The following DCST2 variants were observed in gnomAD, a reference collection of about 807,000 sequenced individuals.
DCST2 encodes the protein DC-STAMP domain containing 2.
Under a neutral mutation model 81.8 loss-of-function variants are expected in DCST2, and 64 were observed. The observed-to-expected ratio is 0.78, with a 90% CI of 0.64 to 0.96. The LOEUF (loss-of-function observed/expected upper bound fraction) is 0.96, where lower values mean the gene tolerates loss of function less well. Among genes scored for constraint, DCST2 ranks in the 40% least tolerant of loss-of-function variants. DCST2 has a pLI of 0.00. For missense variants in DCST2, 945 were observed against 1,001.4 expected (o/e 0.94, Z 0.76); for synonymous variants, 354 against 402.6 (o/e 0.88, Z 1.44).
intron 6 of DCST2, 37 bp downstream of exon 6, chr1:155,030,395 G>C (rs373266671): frequency 6.2e-7 from 1 of 1,606,084 alleles, no homozygotes; most frequent in African/African-American, 1.3e-5. Context: ...CTGCACCCCC[G>C]GCCCTGCATC....
intron 12 of DCST2, 90 bp from the exon 13 acceptor site, chr1:155,023,547 A>G (rs1659813324): frequency 1.9e-6 from 3 of 1,548,610 alleles, no homozygotes; most frequent in Non-Finnish European, 2.6e-6. Context: ...CTCCCCTATC[A>G]CAGACCTGGA....
chr1:155,023,395 G>A lies in DCST2; in HGVS notation c.1933C>T (p.Leu645Phe). 2 of 1,608,492 alleles carry A rather than the reference G, an allele frequency of 1.2e-6. No homozygotes were observed. Among genetic ancestry groups the A allele is most frequent in the African/African-American group, 1.3e-5 (1 of 74,958 alleles). The change falls in exon 13 of 15, where the codon CTC becomes TTC. Residue 645 changes from leucine (L) to phenylalanine (F), a missense_variant. Leu to Phe is a conservative substitution (Grantham distance 22, BLOSUM62 0). Transcript: ENST00000368424. ...AGGTCCAGGTCCCCCTGGTAGGAGAGGGGAGATGCACACACGGAGCAGGTA... is the reference window on the plus strand; with the variant it reads ...AGGTCCAGGTCCCCCTGGTAGGAGAAGGGAGATGCACACACGGAGCAGGTA... ...DNTCSVCASP[L>F]SYQGDLDLEL...
rs761227054 is a variant in DCST2 at position 155,029,408 on chromosome 1, G to A, written c.1178-11C>T. 7 of 1,612,914 alleles carry A rather than the reference G, an allele frequency of 4.3e-6. No individual in the cohort carries two copies. The South Asian group carries it at 6.6e-5, about 15-fold the overall frequency. ...ACAAGAAGATGGAGCCTGAGCAGGA[G>A]TGGGATGGTCAGGAGGATGCTCCCC... is the stretch of plus-strand genomic sequence containing the variant. On this transcript the variant is annotated splice_polypyrimidine_tract_variant and intron_variant, in intron 7 of 14. Transcript: ENST00000368424.
At position 155,024,596 on chromosome 1, in the gene DCST2, T is replaced by C; in HGVS notation, c.1618A>G (p.Ile540Val). The change falls in exon 11 of 15, where the codon ATC becomes GTC. Residue 540 changes from isoleucine to valine, a missense_variant. Transcript: ENST00000368424. Reference sequence around the variant, plus strand: ...AGAAGTACATTGTACAGGTAGGAGATCCTCTCCTGGTGCGGGGAGATCAGG... The same window carrying C: ...AGAAGTACATTGTACAGGTAGGAGACCCTCTCCTGGTGCGGGGAGATCAGG... Reference protein sequence around the residue: ...SYYPSREQERISYLYNVLLSR... With the variant: ...SYYPSREQERVSYLYNVLLSR... The C allele has an allele frequency of 6.3e-7, 1 of 1,598,854 alleles. No homozygotes were observed. The highest frequency in any genetic ancestry group is 1.3e-5 in the African/African-American group (1 of 74,550).
chr1:155,019,745 T>G (rs1659693292), intron 14 of DCST2, among the ~76,000 whole-genome samples: 1 of 143,536 alleles, frequency 7.0e-6, no homozygotes, highest in African/African-American at 2.6e-5. Context: ...TGAATCCTAT[T>G]CATGGCTACC....
intron 5 of DCST2, 145 bp downstream of exon 5, chr1:155,031,024 G>T: frequency 1.2e-6 from 1 of 855,898 alleles, no homozygotes; most frequent in Non-Finnish European, 1.8e-6. Flanking sequence ...GCATGGATAT[G>T]GGCCTGGGTG....
intron 14 of DCST2, 121 bp from the exon 15 acceptor site, chr1:155,018,881 G>A: frequency 3.1e-6 from 3 of 968,846 alleles, no homozygotes; most frequent in Non-Finnish European, 4.6e-6. Context: ...AGCAACTCCT[G>A]CTCTCTCAGG....
At position 155,027,910 on chromosome 1, in the gene DCST2, T is replaced by C. The variant is rs1659958584; in HGVS notation, c.1343-1195A>G. Among the ~76,000 whole-genome samples the C allele has an allele frequency of 2.7e-5, 4 of 149,392 alleles. No homozygotes were observed. The South Asian group carries it at 8.9e-4, about 33-fold the overall frequency. On this transcript the variant is annotated intron_variant, in intron 8 of 14. Coordinates refer to ENST00000368424, the MANE Select transcript of DCST2 (RefSeq NM_144622.3). ...CCAGGCACTCGACACACATAATTTA[T>C]TTTATTTTATTTTATTTTATTATTA...
At position 155,030,159 on chromosome 1, in the gene DCST2, C is replaced by A. The variant is rs779079585; in HGVS notation, c.1102G>T (p.Ala368Ser). 9.9e-6 allele frequency: 16 copies of A among 1,614,180 alleles called. No individual in the cohort carries two copies. The highest frequency in any genetic ancestry group is 1.3e-5 in the African/African-American group (1 of 75,056). ...YITSRFLRME[A>S]VRSTAGLPTV... Reference sequence around the variant, plus strand: ...GGCAGCCCTGCCGTGGAGCGCACAGCCTCCATGCGCAGGAATCGGCTAGTG... The same window carrying A: ...GGCAGCCCTGCCGTGGAGCGCACAGACTCCATGCGCAGGAATCGGCTAGTG... The change falls in exon 7 of 15, where the codon GCT becomes TCT. Residue 368 changes from alanine to serine, a missense_variant. Ala to Ser is a moderately conservative substitution (Grantham distance 99). Transcript: ENST00000368424.
intron 14 of DCST2, among the ~76,000 whole-genome samples, chr1:155,022,333 C>T (rs1360174808): frequency 2.0e-5 from 3 of 152,192 alleles, no homozygotes; most frequent in Non-Finnish European, 4.4e-5. Flanking sequence ...GGGCTCTACC[C>T]TTCTGAATGC....
Position 155,023,417 on chromosome 1 carries a change from G to T in DCST2, c.1911C>A (p.Thr637=). 1 of 1,606,450 alleles carries T rather than the reference G, an allele frequency of 6.2e-7. No homozygotes were observed. Among genetic ancestry groups the T allele is most frequent in the Non-Finnish European group, 8.5e-7 (1 of 1,176,330 alleles). Residue 637 remains threonine, a synonymous_variant, in exon 13 of 15, where the codon ACC becomes ACA. Transcript: ENST00000368424. ...AGAGGGGAGATGCACACACGGAGCA[G>T]GTATTGTCCAGGAGGCGGAAGCAAG... The part of the protein sequence containing the change: ...CLTCFRLLDN[T]CSVCASPLSY...
intron 14 of DCST2, among the ~76,000 whole-genome samples, chr1:155,021,802 C>A (rs937649885): frequency 6.6e-6 from 1 of 151,870 alleles, no homozygotes; most frequent in Non-Finnish European, 1.5e-5. Flanking sequence ...TAGACTAAGA[C>A]AAGCTTCTCT....
chr1:155,018,584 G>A lies in DCST2; in HGVS notation c.2282C>T (p.Pro761Leu). The change falls in exon 15 of 15, where the codon CCT (proline) becomes CTT (leucine). Residue 761 changes from proline (P) to leucine (L), a missense_variant. By Grantham distance (98) the Pro-to-Leu change is moderately conservative. Coordinates refer to ENST00000368424, the MANE Select transcript of DCST2 (RefSeq NM_144622.3). The stretch of plus-strand genomic sequence containing the variant: ...GTGGGAAGGATCAGGAAGAGAGGGA[G>A]GTGAGAGAGGGACTGAGGGTTCTGA... ...PASEPSVPLS[P>L]PSLPDPSHPP... 2 of 1,613,794 alleles carry A rather than the reference G, an allele frequency of 1.2e-6. No homozygotes were observed. Among genetic ancestry groups the A allele is most frequent in the Non-Finnish European group, 1.7e-6 (2 of 1,179,846 alleles).
chr1:155,028,575 C>G (rs1659978682), intron 8 of DCST2, among the ~76,000 whole-genome samples: 1 of 149,700 alleles, frequency 6.7e-6, no homozygotes, highest in Non-Finnish European at 1.5e-5. Flanking sequence ...CAGAGTGAGA[C>G]TCCATCTCAA....
In DCST2 at chr1:155,018,734, T is replaced by G; in HGVS notation, c.2132A>C (p.Gln711Pro). ...GGGCTGCTGCCCGTGCTTCCTCTGC[T>G]GAGGCCCCTTCTCCTCATCCAGGTC... ...SSDLDEEKGPQQRKHGQQPLP... is the reference protein window; with the variant it reads ...SSDLDEEKGPPQRKHGQQPLP... Residue 711 changes from glutamine to proline, a missense_variant, in exon 15 of 15, where the codon CAG (glutamine) becomes CCG (proline). Coordinates refer to ENST00000368424, the MANE Select transcript of DCST2 (RefSeq NM_144622.3). 1 of 1,613,484 alleles carries G rather than the reference T, an allele frequency of 6.2e-7. No individual in the cohort carries two copies. Among genetic ancestry groups the G allele is most frequent in the Non-Finnish European group, 8.5e-7 (1 of 1,179,934 alleles).
At chr1:155,026,245 C>T in intron 10 of DCST2, 57 bp downstream of exon 10, 2 of 1,575,020 alleles carry the variant, frequency 1.3e-6, no homozygotes, top group South Asian at 2.2e-5. Flanking sequence ...AAGCCAGCCA[C>T]TAGCTAAGCC....
chr1:155,027,554 C>CTTTTTT (rs779621299), intron 8 of DCST2, among the ~76,000 whole-genome samples: 22 of 64,016 alleles, frequency 3.4e-4, no homozygotes, highest in African/African-American at 8.6e-4. Context: ...TTTTTTACTT[C>CTTTTTT]TTTTTTTTTT....
At chr1:155,023,645 A>G in intron 12 of DCST2, 187 bp downstream of exon 12, 1 of 1,549,982 alleles carries the variant, frequency 6.5e-7, no homozygotes, top group Non-Finnish European at 8.7e-7. Flanking sequence ...CCGGGAGAAT[A>G]AAGGCAAGCA....
In DCST2 at chr1:155,032,705, T is replaced by C. The variant is rs1171011834; in HGVS notation, c.503A>G (p.Lys168Arg). The C allele has an allele frequency of 6.2e-7, 1 of 1,614,136 alleles. No individual in the cohort carries two copies. The highest frequency in any genetic ancestry group is 1.3e-5 in the African/African-American group (1 of 75,046). The change falls in exon 3 of 15, where the codon AAG becomes AGG. Residue 168 changes from lysine (K) to arginine (R), a missense_variant. Transcript: ENST00000368424. ...ACCATCCATGATTGACCGAAAGAAC[T>C]TGCGGACCCGGTCAGCCACCTCTTT... is the stretch of plus-strand genomic sequence containing the variant. ...KTKEVADRVR[K>R]FFRSIMDGVK...
Sources: gnomAD v4.1 joint callset for allele counts (sites outside exome capture counted in the v4.1 genomes callset) on GRCh38, gnomAD v4.1.1 for gene constraint, MANE v1.5 for transcripts, NCBI Gene and HGNC (gene_info 2026-07-23, HGNC 2026-07-21) for gene names.